Variants in MAST4 observed in about 807,000 individuals in gnomAD.
The protein encoded by MAST4 is microtubule associated serine/threonine kinase family member 4, also known as microtubule-associated serine/threonine-protein kinase 4.
MAST4 carries 89 observed loss-of-function variants against 162.7 expected under a neutral mutation model. That is an observed-to-expected ratio of 0.55 (90% CI 0.46 to 0.65). MAST4 has a LOEUF of 0.65. MAST4 is among the 30% of genes least tolerant of loss of function. The pLI is 0.00. For synonymous variants in MAST4, 1,479 were observed against 1,361.1 expected (o/e 1.09, Z -1.91); for missense variants, 3,153 against 3,374.0 (o/e 0.93, Z 1.62).
intron 3 of MAST4, among the ~76,000 whole-genome samples, chr5:66,790,193 G>A (rs555617838): frequency 5.3e-5 from 8 of 152,064 alleles, no homozygotes; most frequent in Admixed American, 1.3e-4. Flanking sequence ...TTATGCATTG[G>A]TAATAAATTA....
intron 1 of MAST4, among the ~76,000 whole-genome samples, chr5:66,685,313 C>G (rs1373187188): frequency 4.6e-5 from 6 of 130,330 alleles, no homozygotes; most frequent in Non-Finnish European, 7.0e-5. Context: ...AAACCACACA[C>G]CCCAAAAACC....
At chr5:67,006,888 C>T (rs965366448) in intron 4 of MAST4, among the ~76,000 whole-genome samples, 6 of 152,200 alleles carry the variant, frequency 3.9e-5, no homozygotes, top group South Asian at 2.1e-4. Flanking sequence ...GTCATGAAAC[C>T]GTATCTTCAA....
intron 3 of MAST4, among the ~76,000 whole-genome samples, chr5:66,869,199 G>T (rs1270069922): frequency 6.6e-6 from 1 of 152,034 alleles, no homozygotes; most frequent in East Asian, 1.9e-4. Context: ...TTCTTTTAGG[G>T]GGAAAAAAGG....
intron 4 of MAST4, among the ~76,000 whole-genome samples, chr5:67,026,293 C>T (rs553586502): frequency 6.6e-6 from 1 of 152,290 alleles, no homozygotes; most frequent in African/African-American, 2.4e-5. Context: ...AGAGGCAAAG[C>T]CTCAAATGCT....
intron 4 of MAST4, among the ~76,000 whole-genome samples, chr5:66,993,227 A>G (rs1750243253): frequency 6.6e-6 from 1 of 152,228 alleles, no homozygotes; most frequent in African/African-American, 2.4e-5. Flanking sequence ...GACAAAGGCA[A>G]CCTGATTTTG....
chr5:67,118,231 A>G (rs1311520250), intron 12 of MAST4, among the ~76,000 whole-genome samples: 3 of 152,168 alleles, frequency 2.0e-5, no homozygotes, highest in Non-Finnish European at 4.4e-5. Context: ...CTGGCAGGGT[A>G]TTTCTCAGTA....
chr5:67,113,721 C>A (rs1581606744), intron 11 of MAST4, among the ~76,000 whole-genome samples: 2 of 152,176 alleles, frequency 1.3e-5, no homozygotes, highest in Non-Finnish European at 2.9e-5. Context: ...AATCTCAAAT[C>A]TTCTGGATGG....
At chr5:66,677,032 C>A (rs548233191) in intron 1 of MAST4, among the ~76,000 whole-genome samples, 1 of 152,158 alleles carries the variant, frequency 6.6e-6, no homozygotes, top group Non-Finnish European at 1.5e-5. Context: ...AGATTTGCAG[C>A]CTGCATGATC....
chr5:67,115,883 T>A (rs1176201344), intron 12 of MAST4, among the ~76,000 whole-genome samples: 2 of 152,212 alleles, frequency 1.3e-5, no homozygotes. Flanking sequence ...ATTTGTTTTT[T>A]TTTTTATGAA....
chr5:66,607,798 A>G (rs376442803), intron 1 of MAST4, among the ~76,000 whole-genome samples: 5 of 152,264 alleles, frequency 3.3e-5, no homozygotes, highest in African/African-American at 1.2e-4. Context: ...ACAAAATATT[A>G]CCTTTAAAAC....
intron 2 of MAST4, among the ~76,000 whole-genome samples, chr5:66,782,204 G>T (rs1010976570): frequency 2.6e-5 from 4 of 151,568 alleles, no homozygotes; most frequent in Non-Finnish European, 5.9e-5. Flanking sequence ...CAGGAAAATC[G>T]CTTGAACCGA....
intron 4 of MAST4, among the ~76,000 whole-genome samples, chr5:67,033,753 CCTTTACCCT>C (rs1441405053): frequency 6.6e-6 from 1 of 152,050 alleles, no homozygotes; most frequent in Non-Finnish European, 1.5e-5. Flanking sequence ...ACCATTGCCA[CCTTTACCCT>C]GGCTTTTGTA....
chr5:67,121,352 T>C (rs1178967004), intron 14 of MAST4, among the ~76,000 whole-genome samples: 1 of 152,098 alleles, frequency 6.6e-6, no homozygotes, highest in Non-Finnish European at 1.5e-5. Context: ...AAAAATTTTA[T>C]TTACCCTTGT....
At chr5:66,798,235 G>A (rs1755746720) in intron 3 of MAST4, among the ~76,000 whole-genome samples, 1 of 150,850 alleles carries the variant, frequency 6.6e-6, no homozygotes, top group Non-Finnish European at 1.5e-5. Flanking sequence ...GAAATGTGGA[G>A]TAGTGTGGTA....
chr5:66,784,250 G>T (rs148037198), intron 2 of MAST4, among the ~76,000 whole-genome samples: 2 of 152,190 alleles, frequency 1.3e-5, no homozygotes, highest in African/African-American at 4.8e-5. Flanking sequence ...AGTTTGCCAT[G>T]CAAGAATACA....
At chr5:66,931,725 G>A (rs764659681) in intron 4 of MAST4, among the ~76,000 whole-genome samples, 53 of 152,152 alleles carry the variant, frequency 3.5e-4, no homozygotes, top group Middle Eastern at 3.4e-3. Context: ...TGAAGATAGC[G>A]TTGCTGCCTG....
At position 67,149,478 on chromosome 5, in the gene MAST4, C is replaced by G; in HGVS notation, c.3184C>G (p.Pro1062Ala). The change falls in exon 24 of 29, where the codon CCC becomes GCC. Residue 1062 changes from proline (P) to alanine (A), a missense_variant. This residue lies in a region of MAST4 where 619 missense variants were observed against 744.2 expected (regional missense o/e 0.83). Coordinates refer to ENST00000403625, the MANE Select transcript of MAST4 (RefSeq NM_001164664.2). ...TDNSSKPSSE[P>A]ASHMARQRLE... ...TAATTCCTCAAAGCCATCCAGTGAACCCGCTTCTCACATGGCTCGGCAGCG... is the reference window on the plus strand; with the variant it reads ...TAATTCCTCAAAGCCATCCAGTGAAGCCGCTTCTCACATGGCTCGGCAGCG... 6.2e-7 allele frequency: 1 copy of G among 1,613,778 alleles called. No individual in the cohort carries two copies. The highest frequency in any genetic ancestry group is 2.2e-5 in the East Asian group (1 of 44,880).
In MAST4 at chr5:67,118,701, C is replaced by A; in HGVS notation, c.1611C>A (p.Asn537Lys). ...ACTTAGAAATGGCTCATTTGGGAAA[C>A]TACGATAGTGGGACAGCAGAAACAC... ...DPLEEMAHLG[N>K]YDSGTAETPE... is the part of the protein sequence containing the mutation. The change falls in exon 13 of 29, where the codon AAC (asparagine) becomes AAA (lysine). Residue 537 changes from asparagine (N) to lysine (K), a missense_variant. Around this residue, in one of 7 missense-constraint regions of MAST4, gnomAD observed 360 missense variants for 450.0 expected, o/e 0.80. Transcript: ENST00000403625. 6.4e-7 allele frequency: 1 copy of A among 1,572,910 alleles called. No homozygotes were observed. The highest frequency in any genetic ancestry group is 8.7e-7 in the Non-Finnish European group (1 of 1,155,602).
At chr5:67,027,274 G>A (rs1317283111) in intron 4 of MAST4, among the ~76,000 whole-genome samples, 1 of 152,136 alleles carries the variant, frequency 6.6e-6, no homozygotes, top group East Asian at 1.9e-4. Context: ...AAAATAAACT[G>A]TATCTGTCTT....
Sources: gnomAD v4.1 joint callset for allele counts (sites outside exome capture counted in the v4.1 genomes callset) on GRCh38, gnomAD v4.1.1 for gene constraint, gnomAD v4.1.1 regional missense constraint, MANE v1.5 for transcripts, NCBI Gene and HGNC (gene_info 2026-07-23, HGNC 2026-07-21) for gene names.